The following CALN1 variants were observed in gnomAD, a reference collection of about 807,000 sequenced individuals.
CALN1 encodes calcium-binding protein 8.
A neutral mutation model predicts 30.6 loss-of-function variants in CALN1; 17 were observed. The ratio of observed to expected loss-of-function variants is 0.56; its 90% CI spans 0.38 to 0.83. The LOEUF (loss-of-function observed/expected upper bound fraction) is 0.83. CALN1 is among the 40% of genes least tolerant of loss of function. The probability of loss-of-function intolerance (pLI) is 0.00; values close to 1 mark genes in which losing one functional copy is unlikely to be tolerated. For missense variants in CALN1, 291 were observed against 354.9 expected (o/e 0.82, Z 1.45); for synonymous variants, 156 against 131.4 (o/e 1.19, Z -1.28).
At chr7:72,314,443 T>TGA (rs1193640690) in intron 2 of CALN1, among the ~76,000 whole-genome samples, 1 of 146,410 alleles carries the variant, frequency 6.8e-6, no homozygotes. Flanking sequence ...TTTTTTTTTT[T>TGA]GAGAGAGTCT....
chr7:72,071,921 C>G (rs1040487485), intron 4 of CALN1, among the ~76,000 whole-genome samples: 1 of 151,736 alleles, frequency 6.6e-6, no homozygotes, highest in Non-Finnish European at 1.5e-5. Flanking sequence ...TTTGAGCAGG[C>G]AGAAGGAAAA....
intron 4 of CALN1, among the ~76,000 whole-genome samples, chr7:72,080,980 G>C (rs775190002): frequency 6.6e-6 from 1 of 152,000 alleles, no homozygotes; most frequent in African/African-American, 2.4e-5. Flanking sequence ...AGCTCCCTTC[G>C]CCTAATCTGG....
chr7:72,395,700 A>C (rs1805887075), intron 2 of CALN1, among the ~76,000 whole-genome samples: 1 of 152,176 alleles, frequency 6.6e-6, no homozygotes, highest in African/African-American at 2.4e-5. Context: ...AAGAGTGATG[A>C]AAAGTTTCTT....
intron 3 of CALN1, among the ~76,000 whole-genome samples, chr7:72,232,513 T>C (rs1794180384): frequency 6.6e-6 from 1 of 152,208 alleles, no homozygotes; most frequent in African/African-American, 2.4e-5. Context: ...CAGGCTGTAG[T>C]GCAGTGGCAC....
chr7:72,238,528 A>C (rs1794624138), intron 3 of CALN1, among the ~76,000 whole-genome samples: 2 of 152,146 alleles, frequency 1.3e-5, no homozygotes, highest in Admixed American at 1.3e-4. Flanking sequence ...CTGTGTCCCC[A>C]CCCAAATCTC....
chr7:72,313,993 G>A (rs890139529), intron 2 of CALN1, among the ~76,000 whole-genome samples: 1 of 152,144 alleles, frequency 6.6e-6, no homozygotes, highest in Non-Finnish European at 1.5e-5. Context: ...GACAGACAGA[G>A]CCCCGTCCCT....
chr7:72,402,980 G>C (rs1045002775), intron 2 of CALN1, among the ~76,000 whole-genome samples: 1 of 152,186 alleles, frequency 6.6e-6, no homozygotes, highest in Non-Finnish European at 1.5e-5. Context: ...AGTTGTATTT[G>C]TCATTGTTCA....
At chr7:72,153,676 G>A (rs1406072095) in intron 3 of CALN1, among the ~76,000 whole-genome samples, 1 of 151,964 alleles carries the variant, frequency 6.6e-6, no homozygotes, top group Non-Finnish European at 1.5e-5. Context: ...GTGAGAACCT[G>A]TCTCTAAAAA....
At chr7:71,919,201 A>G (rs147947520) in intron 5 of CALN1, among the ~76,000 whole-genome samples, 1 of 152,328 alleles carries the variant, frequency 6.6e-6, no homozygotes, top group Non-Finnish European at 1.5e-5. Context: ...CAGATTCATC[A>G]TCTTTAAATG....
intron 4 of CALN1, among the ~76,000 whole-genome samples, chr7:72,054,016 T>C (rs942314084): frequency 2.0e-5 from 3 of 152,178 alleles, no homozygotes; most frequent in South Asian, 2.1e-4. Flanking sequence ...TATAGATATA[T>C]ACCACAATTT....
At chr7:71,935,027 T>C (rs1795756226) in intron 5 of CALN1, among the ~76,000 whole-genome samples, 1 of 152,170 alleles carries the variant, frequency 6.6e-6, no homozygotes, top group Non-Finnish European at 1.5e-5. Flanking sequence ...ATGGGAGCTA[T>C]AATTCAAGAT....
At chr7:71,986,247 C>T (rs979850466) in intron 5 of CALN1, among the ~76,000 whole-genome samples, 2 of 151,788 alleles carry the variant, frequency 1.3e-5, no homozygotes, top group Non-Finnish European at 2.9e-5. Flanking sequence ...GGGGTTTCAC[C>T]ATGTTGGTCA....
intron 3 of CALN1, among the ~76,000 whole-genome samples, chr7:72,199,914 A>T (rs142677610): frequency 6.6e-6 from 1 of 152,296 alleles, no homozygotes; most frequent in East Asian, 1.9e-4. Context: ...CCTATACTGC[A>T]GCCCAAACTA....
At chr7:72,413,216 CAT>C (rs1562959690), upstream of CALN1, among the ~76,000 whole-genome samples, 2 of 151,652 alleles carry the variant, frequency 1.3e-5, no homozygotes, top group East Asian at 3.9e-4. Context: ...CACACACACT[CAT>C]ACACACATAT....
intron 1 of CALN1, among the ~76,000 whole-genome samples, chr7:72,408,818 C>T (rs1309979656): frequency 6.6e-6 from 1 of 151,470 alleles, no homozygotes; most frequent in Non-Finnish European, 1.5e-5. Flanking sequence ...GCTGGGACTA[C>T]AGGCGGGCAC....
At chr7:72,216,252 A>G (rs990410682) in intron 3 of CALN1, among the ~76,000 whole-genome samples, 5 of 151,866 alleles carry the variant, frequency 3.3e-5, no homozygotes, top group Non-Finnish European at 7.4e-5. Context: ...CTGACTCTAC[A>G]AAAAATAATA....
At chr7:72,305,979 T>G (rs1429028208) in intron 2 of CALN1, among the ~76,000 whole-genome samples, 3 of 152,212 alleles carry the variant, frequency 2.0e-5, no homozygotes, top group African/African-American at 7.2e-5. Context: ...CCTCAAGACA[T>G]CATCTAAACT....
intron 3 of CALN1, among the ~76,000 whole-genome samples, chr7:72,264,556 C>T (rs182701485): frequency 2.5e-4 from 37 of 150,646 alleles, no homozygotes; most frequent in Admixed American, 2.0e-3. Context: ...TGCAGTGGTG[C>T]GATCATAGCT....
At chr7:72,063,466 T>C (rs1025718637) in intron 4 of CALN1, among the ~76,000 whole-genome samples, 3 of 152,172 alleles carry the variant, frequency 2.0e-5, no homozygotes, top group Non-Finnish European at 2.9e-5. Context: ...AGCCATCCTG[T>C]ATCCACAGGG....
Sources: gnomAD v4.1 joint callset for allele counts (sites outside exome capture counted in the v4.1 genomes callset) on GRCh38, gnomAD v4.1.1 for gene constraint, MANE v1.5 for transcripts, NCBI Gene and HGNC (gene_info 2026-07-23, HGNC 2026-07-21) for gene names.